ZNF385D: variants seen among roughly 807,000 people sequenced by gnomAD.
ZNF385D encodes the protein zinc finger protein 659.
ZNF385D carries 15 observed loss-of-function variants against 35.8 expected under a neutral mutation model. That is an observed-to-expected ratio of 0.42 (90% confidence interval 0.28 to 0.64). The LOEUF is 0.64. Ranked by LOEUF, ZNF385D falls within the 30% of genes least tolerant of loss-of-function variation. ZNF385D has a pLI of 0.23. For missense variants in ZNF385D, 474 were observed against 494.6 expected (o/e 0.96, Z 0.39); for synonymous variants, 212 against 186.8 (o/e 1.13, Z -1.10).
chr3:21,899,760 C>T (rs1448471249), intron 3 of ZNF385D, among the ~76,000 whole-genome samples: 2 of 152,082 alleles, frequency 1.3e-5, no homozygotes, highest in African/African-American at 4.8e-5. Flanking sequence ...AATATATTTG[C>T]TATACTAAAG....
intron 3 of ZNF385D, among the ~76,000 whole-genome samples, chr3:21,529,106 A>G (rs947574218): frequency 6.6e-6 from 1 of 151,644 alleles, no homozygotes; most frequent in African/African-American, 2.4e-5. Flanking sequence ...CTTTTTCCAT[A>G]TTTTTTTTGT....
intron 3 of ZNF385D, among the ~76,000 whole-genome samples, chr3:21,964,470 ATTTTTTTTTTTTTT>A (rs377650103): frequency 9.7e-4 from 66 of 68,160 alleles, no homozygotes; most frequent in African/African-American, 3.3e-3. Context: ...AATTTCTCAG[ATTTTTTTTTTTTTT>A]TTTTTTTTTT....
chr3:21,904,175 G>A (rs1699554945), intron 3 of ZNF385D, among the ~76,000 whole-genome samples: 1 of 151,660 alleles, frequency 6.6e-6, no homozygotes, highest in African/African-American at 2.4e-5. Flanking sequence ...GTGGTGACAA[G>A]TACCTGTAAT....
intron 3 of ZNF385D, among the ~76,000 whole-genome samples, chr3:22,136,776 A>C (rs1704150860): frequency 6.6e-6 from 1 of 152,214 alleles, no homozygotes; most frequent in Admixed American, 6.6e-5. Flanking sequence ...AGAACTGTCA[A>C]GCCACTAAAA....
At chr3:21,975,639 ATCAAAATACCT>A (rs1703548409) in intron 3 of ZNF385D, among the ~76,000 whole-genome samples, 1 of 149,936 alleles carries the variant, frequency 6.7e-6, no homozygotes, top group African/African-American at 2.4e-5. Context: ...GTATACTTTT[ATCAAAATACCT>A]CATGTGCCCT....
rs1017431600 is a variant in ZNF385D at position 22,106,937 on chromosome 3, C to G, written c.325+61880G>C. Among the ~76,000 whole-genome samples the G allele has an allele frequency of 4.6e-5, 7 of 151,904 alleles. No individual in the cohort carries two copies. The East Asian group carries it at 5.8e-4, about 13-fold the overall frequency. On this transcript the variant is annotated intron_variant, in intron 3 of 5. Coordinates refer to the ZNF385D transcript ENST00000494108. ...TTGCTAGTTATGGTTAGTTGCTGCT[C>G]TCTCTGAAACATCTCTCTGACATGA...
intron 4 of ZNF385D, among the ~76,000 whole-genome samples, chr3:21,479,483 T>C (rs1322922757): frequency 1.3e-5 from 2 of 152,030 alleles, no homozygotes; most frequent in Admixed American, 6.6e-5. Flanking sequence ...TACTAAAGAG[T>C]AGATTTCTTT....
chr3:21,563,459 A>G (rs917557943), intron 3 of ZNF385D: 2 of 152,318 alleles, frequency 1.3e-5, no homozygotes, highest in East Asian at 3.9e-4. Context: ...TGATGATTGC[A>G]TTAGTAAGTA....
At chr3:21,880,086 A>G (rs778234332) in intron 3 of ZNF385D, among the ~76,000 whole-genome samples, 5 of 151,986 alleles carry the variant, frequency 3.3e-5, no homozygotes, top group Non-Finnish European at 7.4e-5. Context: ...CAAATGAAGT[A>G]TTTCAAATGA....
intron 3 of ZNF385D, among the ~76,000 whole-genome samples, chr3:22,120,489 G>A (rs1055335400): frequency 3.9e-5 from 6 of 152,050 alleles, no homozygotes; most frequent in Admixed American, 3.9e-4. Flanking sequence ...TCACACTGGG[G>A]ATTAGGGCTT....
At chr3:21,923,777 G>T (rs539978128) in intron 3 of ZNF385D, among the ~76,000 whole-genome samples, 7 of 152,172 alleles carry the variant, frequency 4.6e-5, no homozygotes, top group East Asian at 1.9e-4. Context: ...AATACCATAA[G>T]TTCTCACCTA....
At chr3:21,808,025 C>T (rs1451887855) in intron 3 of ZNF385D, among the ~76,000 whole-genome samples, 2 of 152,060 alleles carry the variant, frequency 1.3e-5, no homozygotes, top group Non-Finnish European at 2.9e-5. Context: ...AATAGAATTG[C>T]TAAGTAGTAT....
chr3:22,152,030 A>C (rs2125721383), intron 3 of ZNF385D, among the ~76,000 whole-genome samples: 1 of 152,150 alleles, frequency 6.6e-6, no homozygotes, highest in Admixed American at 6.5e-5. Flanking sequence ...AGTAGGGTTC[A>C]GGGTTTGTTG....
At chr3:22,288,817 A>G (rs1702152333) in intron 2 of ZNF385D, among the ~76,000 whole-genome samples, 1 of 151,972 alleles carries the variant, frequency 6.6e-6, no homozygotes, top group African/African-American at 2.4e-5. Flanking sequence ...ATTAGATGAG[A>G]CAGTAGCATC....
At chr3:22,078,133 C>G (rs2125576915) in intron 3 of ZNF385D, among the ~76,000 whole-genome samples, 1 of 152,098 alleles carries the variant, frequency 6.6e-6, no homozygotes, top group South Asian at 2.1e-4. Context: ...GGAGAATTTC[C>G]TAGGCTCATT....
chr3:22,309,616 G>C (rs1255242816), intron 2 of ZNF385D, among the ~76,000 whole-genome samples: 2 of 151,950 alleles, frequency 1.3e-5, no homozygotes, highest in Admixed American at 1.3e-4. Flanking sequence ...AATATATTTA[G>C]CTAGCTTTTT....
chr3:22,139,315 C>T (rs577646967), intron 3 of ZNF385D, among the ~76,000 whole-genome samples: 33 of 152,282 alleles, frequency 2.2e-4, no homozygotes, highest in African/African-American at 6.5e-4. Context: ...CACATGTACA[C>T]ATATGTTTAA....
At chr3:21,934,959 TAAG>T (rs1163025190) in intron 3 of ZNF385D, among the ~76,000 whole-genome samples, 2 of 152,206 alleles carry the variant, frequency 1.3e-5, no homozygotes, top group African/African-American at 2.4e-5. Flanking sequence ...TTGATGTGAG[TAAG>T]AAGATGAGCA....
At chr3:22,005,848 G>C (rs938111068) in intron 3 of ZNF385D, among the ~76,000 whole-genome samples, 2 of 152,026 alleles carry the variant, frequency 1.3e-5, no homozygotes, top group Admixed American at 6.6e-5. Flanking sequence ...AAATGTGAAT[G>C]AGCTTTAGAG....
Sources: allele counts gnomAD v4.1 joint callset (sites outside exome capture counted in the v4.1 genomes callset), GRCh38; gene constraint gnomAD v4.1.1; transcripts MANE v1.5; gene names NCBI Gene and HGNC (gene_info 2026-07-23, HGNC 2026-07-21).